WDR72: variants seen among roughly 807,000 people sequenced by gnomAD.
The protein encoded by WDR72 is WD repeat-containing protein 72.
Under a neutral mutation model 124.2 loss-of-function variants are expected in WDR72, and 120 were observed. The ratio of observed to expected loss-of-function variants is 0.97; its 90% CI spans 0.83 to 1.12. The LOEUF (loss-of-function observed/expected upper bound fraction) is 1.12. Ranked by LOEUF, WDR72 falls within the 50% of genes most tolerant of loss-of-function variation. The probability of loss-of-function intolerance (pLI) is 0.00; values close to 1 mark genes in which losing one functional copy is unlikely to be tolerated. For synonymous variants in WDR72, 452 were observed against 441.7 expected (o/e 1.02, Z -0.29); for missense variants, 1,387 against 1,278.8 (o/e 1.08, Z -1.29).
intron 15 of WDR72, 144 bp downstream of exon 15, chr15:53,615,282 A>G: frequency 3.2e-6 from 2 of 620,656 alleles, no homozygotes; most frequent in Non-Finnish European, 5.4e-6. Flanking sequence ...GATTTTCTTA[A>G]ATGTTTTTTA....
intron 13 of WDR72, among the ~76,000 whole-genome samples, chr15:53,682,022 A>C (rs1415648769): frequency 1.3e-5 from 2 of 152,268 alleles, no homozygotes; most frequent in Non-Finnish European, 2.9e-5. Flanking sequence ...ATAAAGATTG[A>C]CAAAAACTCT....
At chr15:53,528,809 T>C (rs1418477883) in intron 18 of WDR72, among the ~76,000 whole-genome samples, 1 of 151,998 alleles carries the variant, frequency 6.6e-6, no homozygotes, top group Non-Finnish European at 1.5e-5. Flanking sequence ...GAGGTATCAA[T>C]TGCTTACGGA....
intron 18 of WDR72, among the ~76,000 whole-genome samples, chr15:53,537,587 G>A (rs986538519): frequency 6.6e-6 from 1 of 152,136 alleles, no homozygotes; most frequent in African/African-American, 2.4e-5. Context: ...TAGTGATGGT[G>A]CCTACCAGGG....
chr15:53,616,139 A>G lies in WDR72; in HGVS notation c.2067T>C (p.Leu689=), dbSNP rs2013757270. 2 of 1,604,302 alleles carry G rather than the reference A, an allele frequency of 1.2e-6. No homozygotes were observed. The highest frequency in any genetic ancestry group is 2.2e-5 in the South Asian group (2 of 90,174). ...FHILLFDLEN[L]VELLLPTPLS... is the part of the protein sequence containing the mutation. ...GTGGAGTTGGTAGCAAAAGTTCAAC[A>G]AGGTTTTCCAGATCAAATAGAAGAA... The change falls in exon 15 of 20, where the codon CTT becomes CTC. Residue 689 remains leucine (L), a synonymous_variant. Coordinates refer to ENST00000360509, the MANE Select transcript of WDR72 (RefSeq NM_182758.4).
chr15:53,635,688 G>C (rs971492758), intron 14 of WDR72, among the ~76,000 whole-genome samples: 4 of 151,972 alleles, frequency 2.6e-5, no homozygotes, highest in African/African-American at 9.7e-5. Flanking sequence ...GTGGACTACT[G>C]GGGGGGATGG....
chr15:53,641,787 T>C (rs2014861829), intron 14 of WDR72, among the ~76,000 whole-genome samples: 1 of 151,944 alleles, frequency 6.6e-6, no homozygotes, highest in African/African-American at 2.4e-5. Context: ...TTTTTTTATA[T>C]AAGCACTTAA....
chr15:53,647,050 C>T (rs1312830080), intron 14 of WDR72, among the ~76,000 whole-genome samples: 1 of 152,042 alleles, frequency 6.6e-6, no homozygotes, highest in Non-Finnish European at 1.5e-5. Flanking sequence ...CAGTAGAAAG[C>T]TTAGTAAGTC....
At chr15:53,720,658 T>C (rs1032670164) in intron 3 of WDR72, among the ~76,000 whole-genome samples, 1 of 152,172 alleles carries the variant, frequency 6.6e-6, no homozygotes, top group Non-Finnish European at 1.5e-5. Flanking sequence ...TTCACTGCTG[T>C]CATTACAGTT....
At chr15:53,523,134 C>T (rs1436323886) in intron 19 of WDR72, 84 bp downstream of exon 19, 3 of 1,208,604 alleles carry the variant, frequency 2.5e-6, no homozygotes, top group African/African-American at 1.5e-5. Context: ...ATTACAATGT[C>T]CTCTCCCCTC....
chr15:53,606,606 G>A (rs1366239941), intron 17 of WDR72, among the ~76,000 whole-genome samples: 2 of 152,180 alleles, frequency 1.3e-5, no homozygotes, highest in Admixed American at 1.3e-4. Context: ...ACTAGGTAAT[G>A]TGATGATGAC....
At chr15:53,634,532 A>G (rs11858440) in intron 14 of WDR72, among the ~76,000 whole-genome samples, 52,998 of 152,138 alleles carry the variant, frequency 0.35, 10,638 homozygotes, top group Middle Eastern at 0.57. Flanking sequence ...ATTTTAAGAA[A>G]GTCTACAAAT....
At chr15:53,520,950 G>A (rs1171239485) in intron 19 of WDR72, among the ~76,000 whole-genome samples, 2 of 152,002 alleles carry the variant, frequency 1.3e-5, no homozygotes, top group East Asian at 1.9e-4. Context: ...ACCTCTGTCA[G>A]AAGTGTCTTA....
At chr15:53,713,806 C>T (rs28472794) in intron 6 of WDR72, among the ~76,000 whole-genome samples, 3,266 of 152,160 alleles carry the variant, frequency 0.021, 133 homozygotes, top group African/African-American at 0.075. Flanking sequence ...AGTGCCAACA[C>T]ACAGCACATA....
chr15:53,538,904 T>C (rs1482304575), intron 18 of WDR72, among the ~76,000 whole-genome samples: 1 of 152,170 alleles, frequency 6.6e-6, no homozygotes, highest in Admixed American at 6.6e-5. Context: ...GCCTTGCTTT[T>C]GGTCTTTACA....
rs1030177147 is a variant in WDR72, at chr15:53,716,625, G to T, written c.321C>A (p.Tyr107Ter). 1 of 1,608,404 alleles carries T rather than the reference G, an allele frequency of 6.2e-7. No individual in the cohort carries two copies. The highest frequency in any genetic ancestry group is 8.5e-7 in the Non-Finnish European group (1 of 1,174,776). Residue 107 changes from tyrosine to a stop codon, truncating the protein, a stop_gained, in exon 4 of 20, where the codon TAC becomes TAA. Coordinates refer to ENST00000360509, the MANE Select transcript of WDR72 (RefSeq NM_182758.4). LOFTEE classifies it high-confidence loss of function. ...GQCMEKATLP[Y>*]RHTAICYYHC... ...TACTTACACAGATTGCAGTGTGCCTGTAAGGAAGTGTAGCCTTCTCCATGC... is the reference window on the plus strand; with the variant it reads ...TACTTACACAGATTGCAGTGTGCCTTTAAGGAAGTGTAGCCTTCTCCATGC...
intron 14 of WDR72, among the ~76,000 whole-genome samples, chr15:53,620,359 T>C (rs1297660913): frequency 6.6e-6 from 1 of 152,040 alleles, no homozygotes; most frequent in East Asian, 1.9e-4. Flanking sequence ...CCATTTTCTA[T>C]AAAATTGCAG....
rs561560036 is a variant in WDR72, at chr15:53,743,326, A to G, written c.-12-10165T>C. Reference sequence around the variant, plus strand: ...ACTGCAATTTATACATAACGATGAAATAAAAGCATAATATTAAATTTAAGC... The same window carrying G: ...ACTGCAATTTATACATAACGATGAAGTAAAAGCATAATATTAAATTTAAGC... On this transcript the variant is annotated intron_variant, in intron 1 of 19. Transcript: ENST00000360509. Among the ~76,000 whole-genome samples the G allele has an allele frequency of 1.6e-4, 24 of 152,242 alleles. 1 individual carries two copies. The South Asian group carries it at 4.8e-3, about 30-fold the overall frequency.
Position 53,710,926 on chromosome 15 carries a change from A to G in WDR72, c.885T>C (p.Ala295=). Reference sequence around the variant, plus strand: ...TGGTCTCTTTAAGCACTCTTCCATCAGCAGGGTATATGCTTTTTGAAAGCC... The same window carrying G: ...TGGTCTCTTTAAGCACTCTTCCATCGGCAGGGTATATGCTTTTTGAAAGCC... ...NSGLSKSIYP[A]DGRVLKETIY... is the part of the protein sequence containing the mutation. Residue 295 remains alanine, a synonymous_variant, in exon 9 of 20, where the codon GCT becomes GCC. Coordinates refer to ENST00000360509, the MANE Select transcript of WDR72 (RefSeq NM_182758.4). 1 of 1,613,866 alleles carries G rather than the reference A, an allele frequency of 6.2e-7. No individual in the cohort carries two copies. Among genetic ancestry groups the G allele is most frequent in the Non-Finnish European group, 8.5e-7 (1 of 1,179,924 alleles).
intron 13 of WDR72, among the ~76,000 whole-genome samples, chr15:53,669,965 A>G (rs2015930207): frequency 6.6e-6 from 1 of 152,216 alleles, no homozygotes; most frequent in Non-Finnish European, 1.5e-5. Context: ...AATAGGAGTT[A>G]ATTCATATTT....
Sources: allele counts gnomAD v4.1 joint callset (sites outside exome capture counted in the v4.1 genomes callset), GRCh38; gene constraint gnomAD v4.1.1; transcripts MANE v1.5; gene names NCBI Gene and HGNC (gene_info 2026-07-23, HGNC 2026-07-21).